ERN1: variants seen among roughly 807,000 people sequenced by gnomAD.
The protein encoded by ERN1 is endoplasmic reticulum to nucleus signaling 1.
Under a neutral mutation model 113.1 loss-of-function variants are expected in ERN1, and 39 were observed. The ratio of observed to expected loss-of-function variants is 0.34; its 90% CI spans 0.27 to 0.45. The LOEUF is 0.45. ERN1 is among the 20% of genes least tolerant of loss of function. ERN1 has a pLI of 1.00. For synonymous variants in ERN1, 507 were observed against 515.9 expected, an observed-to-expected ratio of 0.98 and a Z score of 0.23; for missense variants, 976 against 1,274.8, an observed-to-expected ratio of 0.77 and a Z score of 3.57.
chr17:64,115,623 C>T lies in ERN1; in HGVS notation c.54+14353G>A, dbSNP rs572031483. 3.2e-4 allele frequency among the ~76,000 whole-genome samples: 49 copies of T among 152,298 alleles called. 1 individual carries two copies. The South Asian group carries it at 8.9e-3, about 28-fold the overall frequency. ...AGCCTGTGTCCATATAGCTTCAAAA[C>T]CTGTTATTTTATCCTCTCAAAACTC... On this transcript the variant is annotated intron_variant, in intron 1 of 21. Coordinates refer to ENST00000433197, the MANE Select transcript of ERN1 (RefSeq NM_001433.5).
chr17:64,093,498 A>G (rs368349300), intron 2 of ERN1, among the ~76,000 whole-genome samples: 8 of 152,222 alleles, frequency 5.3e-5, no homozygotes, highest in East Asian at 3.8e-4. Flanking sequence ...GGCTTGAACA[A>G]CAGAAATTTA....
intron 2 of ERN1, among the ~76,000 whole-genome samples, chr17:64,088,288 C>T (rs1488975377): frequency 1.3e-5 from 2 of 152,148 alleles, no homozygotes; most frequent in African/African-American, 4.8e-5. Context: ...CCCATCTGAC[C>T]ACCCTTCTGA....
At chr17:64,106,689 C>G (rs1914536150) in intron 1 of ERN1, among the ~76,000 whole-genome samples, 1 of 147,624 alleles carries the variant, frequency 6.8e-6, no homozygotes, top group Non-Finnish European at 1.5e-5. Flanking sequence ...CATGCCATAA[C>G]AGGACACCAG....
At chr17:64,106,003 A>C (rs946074828) in intron 1 of ERN1, among the ~76,000 whole-genome samples, 7 of 152,134 alleles carry the variant, frequency 4.6e-5, no homozygotes, top group African/African-American at 1.7e-4. Context: ...CAAACTAAAA[A>C]TACTTACATA....
At position 64,073,334 on chromosome 17, in the gene ERN1, A is replaced by AT. The variant is rs775654259; in HGVS notation, c.356-1232_356-1231insA. On this transcript the variant is annotated intron_variant, in intron 5 of 21. Coordinates refer to ENST00000433197, the MANE Select transcript of ERN1 (RefSeq NM_001433.5). ...CAGGTGCGTGCCACCACACCCAGCAAATTTTTTTTTTTTTTTTTTTTTAGT... is the reference window on the plus strand; with the variant it reads ...CAGGTGCGTGCCACCACACCCAGCAATATTTTTTTTTTTTTTTTTTTTTAGT... Among the ~76,000 whole-genome samples, 457 of 134,402 alleles carry AT rather than the reference A, an allele frequency of 3.4e-3. 39 individuals are homozygous for AT. Among genetic ancestry groups the AT allele is most frequent in the South Asian group, 0.027 (112 of 4,214 alleles). The allele number at this position is 134,402 out of a possible 152,430, so 88.2% of individuals were successfully genotyped here.
Position 64,044,560 on chromosome 17 carries a change from C to A in ERN1, c.2721+300G>T, listed in dbSNP as rs1348641488. 6.6e-6 allele frequency among the ~76,000 whole-genome samples: 1 copy of A among 152,200 alleles called. No individual in the cohort carries two copies. Among genetic ancestry groups the A allele is most frequent in the Non-Finnish European group, 1.5e-5 (1 of 68,040 alleles). On this transcript the variant is annotated intron_variant, in intron 21 of 21. Transcript: ENST00000433197. This position sits in a 1 kb window ranked among gnomAD's most constrained non-coding sequence, Gnocchi z 4.1. ...TTTGAGGTATGTTTATACATGTTTA[C>A]ACACAGTGGCTGCATCAGACAGGGA...
At chr17:64,117,864 C>T (rs1914852155) in intron 1 of ERN1, among the ~76,000 whole-genome samples, 1 of 152,174 alleles carries the variant, frequency 6.6e-6, no homozygotes, top group African/African-American at 2.4e-5. Flanking sequence ...ATGTATTTAC[C>T]ATGCTGTTGT....
chr17:64,065,943 C>T (rs753076039), intron 8 of ERN1, among the ~76,000 whole-genome samples: 2 of 152,188 alleles, frequency 1.3e-5, no homozygotes, highest in African/African-American at 2.4e-5. Context: ...CGGTCATCCA[C>T]TACATTATCT....
intron 1 of ERN1, among the ~76,000 whole-genome samples, chr17:64,121,073 CCTT>C (rs1914942230): frequency 6.6e-6 from 1 of 152,136 alleles, no homozygotes; most frequent in Admixed American, 6.5e-5. Context: ...CCCAGGGGCA[CCTT>C]CCTTCCCCCC....
intron 19 of ERN1, 141 bp from the exon 20 acceptor site, chr17:64,045,623 C>G: frequency 1.0e-6 from 1 of 973,910 alleles, no homozygotes; most frequent in Admixed American, 2.0e-5. Context: ...CCCTCCCTCC[C>G]TCATCCATGA....
At chr17:64,062,101 A>T (rs896266146) in intron 10 of ERN1, among the ~76,000 whole-genome samples, 2 of 152,266 alleles carry the variant, frequency 1.3e-5, no homozygotes, top group African/African-American at 4.8e-5. Flanking sequence ...TCCTTGATGT[A>T]TTCATCTATC....
chr17:64,128,758 TAAAG>T (rs1915148921), intron 1 of ERN1: 1 of 152,006 alleles, frequency 6.6e-6, no homozygotes, highest in African/African-American at 2.4e-5. Flanking sequence ...AGTTCTATTA[TAAAG>T]AGTCTACAAA....
In ERN1 at chr17:64,113,007, G is replaced by A. The variant is rs113269420; in HGVS notation, c.55-14766C>T. Among the ~76,000 whole-genome samples the A allele has an allele frequency of 2.4e-3, 359 of 152,274 alleles. 2 individuals carry two copies. Among genetic ancestry groups the A allele is most frequent in the African/African-American group, 8.2e-3 (342 of 41,550 alleles). On this transcript the variant is annotated intron_variant, in intron 1 of 21. Transcript: ENST00000433197. ...CTCTGGGAATGGATATCAGAAGATC[G>A]GGCCTTAATATATTTCCACTGTGAC...
intron 1 of ERN1, among the ~76,000 whole-genome samples, chr17:64,108,205 TAA>T (rs373266754): frequency 1.4e-5 from 2 of 141,252 alleles, no homozygotes; most frequent in African/African-American, 2.5e-5. Context: ...TAGATCTGAT[TAA>T]AAAAAAAAAA....
chr17:64,114,070 TA>T (rs10718636), intron 1 of ERN1, among the ~76,000 whole-genome samples: 56,635 of 112,358 alleles, frequency 0.5, 11,742 homozygotes, highest in African/African-American at 0.59. Context: ...AGGTAAATGC[TA>T]AAAAAAAAAA....
At chr17:64,069,153 C>T (rs190265539) in intron 6 of ERN1, among the ~76,000 whole-genome samples, 2 of 152,288 alleles carry the variant, frequency 1.3e-5, no homozygotes, top group Admixed American at 1.3e-4. Flanking sequence ...TTCTTTGAGA[C>T]CTCTGAAAGA....
intron 15 of ERN1, chr17:64,053,933 C>A: frequency 3.8e-6 from 1 of 261,416 alleles, no homozygotes; most frequent in African/African-American, 2.2e-5. Flanking sequence ...AAAATTAGTA[C>A]AATTCACTGT....
intron 17 of ERN1, among the ~76,000 whole-genome samples, chr17:64,050,940 T>A (rs534033930): frequency 4.6e-5 from 7 of 152,236 alleles, no homozygotes; most frequent in African/African-American, 9.6e-5. Context: ...CAGGTCTCCA[T>A]CGGGGAGTGT....
intron 1 of ERN1, among the ~76,000 whole-genome samples, chr17:64,117,808 C>T (rs562685106): frequency 6.6e-6 from 1 of 152,280 alleles, no homozygotes; most frequent in Admixed American, 6.5e-5. Context: ...TATGTTTCTC[C>T]CCTGCAACCC....
Sources: gnomAD v4.1 joint callset for allele counts (sites outside exome capture counted in the v4.1 genomes callset) on GRCh38, gnomAD v4.1.1 for gene constraint, Gnocchi (gnomAD v3.1) non-coding constraint, MANE v1.5 for transcripts, NCBI Gene and HGNC (gene_info 2026-07-23, HGNC 2026-07-21) for gene names.